SND1: variants seen among roughly 807,000 people sequenced by gnomAD.
SND1 encodes the protein staphylococcal nuclease and tudor domain containing 1, also known as staphylococcal nuclease domain-containing protein 1.
Under a neutral mutation model 121.7 loss-of-function variants are expected in SND1, and 38 were observed. The ratio of observed to expected loss-of-function variants is 0.31; its 90% CI spans 0.24 to 0.41. SND1 has a LOEUF of 0.41. SND1 is among the 10% of genes least tolerant of loss of function. SND1 has a pLI of 1.00. For missense variants in SND1, 868 were observed against 1,184.6 expected, an observed-to-expected ratio of 0.73 and a Z score of 3.92; for synonymous variants, 401 against 447.4, an observed-to-expected ratio of 0.90 and a Z score of 1.31.
chr7:127,805,140 T>C (rs1217493644), intron 10 of SND1, among the ~76,000 whole-genome samples: 4 of 152,210 alleles, frequency 2.6e-5, no homozygotes, highest in African/African-American at 9.6e-5. Context: ...ATATCCATAA[T>C]CCTGTACATC....
intron 12 of SND1, among the ~76,000 whole-genome samples, chr7:127,867,522 C>T (rs1355455483): frequency 3.3e-5 from 5 of 152,220 alleles, no homozygotes; most frequent in South Asian, 4.2e-4. Flanking sequence ...CAAATGATCG[C>T]GTCTTTTGAT....
At chr7:127,775,094 G>A (rs1204032886) in intron 10 of SND1, among the ~76,000 whole-genome samples, 1 of 152,218 alleles carries the variant, frequency 6.6e-6, no homozygotes, top group Non-Finnish European at 1.5e-5. Context: ...ACAGAGGGAA[G>A]AGAGCATGTG....
Position 128,029,259 on chromosome 7 carries a change from G to A in SND1, c.1779+38203G>A. 6.2e-7 allele frequency: 1 copy of A among 1,614,176 alleles called. No individual in the cohort carries two copies. The highest frequency in any genetic ancestry group is 1.1e-5 in the South Asian group (1 of 91,086). ...TGTGTCCTCAGGCGAGATCTCCGTG[G>A]TCTCCACTGTTACTGTGGTGAAGAA... On this transcript the variant is annotated intron_variant, in intron 16 of 23. Transcript: ENST00000354725. This position sits in a 1 kb window ranked among gnomAD's most constrained non-coding sequence, Gnocchi z 4.2.
chr7:128,083,542 A>G (rs999791223), intron 18 of SND1, among the ~76,000 whole-genome samples: 1 of 152,246 alleles, frequency 6.6e-6, no homozygotes, highest in African/African-American at 2.4e-5. Context: ...ATGCAGCTGA[A>G]TTATTAAGCA....
At chr7:127,784,877 AT>A (rs1797783809) in intron 10 of SND1, among the ~76,000 whole-genome samples, 1 of 152,206 alleles carries the variant, frequency 6.6e-6, no homozygotes, top group African/African-American at 2.4e-5. Context: ...CCCCATGATC[AT>A]GAAAGTGGGG....
At chr7:128,066,094 G>A (rs2117040062) in intron 16 of SND1, among the ~76,000 whole-genome samples, 1 of 152,332 alleles carries the variant, frequency 6.6e-6, no homozygotes, top group African/African-American at 2.4e-5. Context: ...GAGTCAGCAG[G>A]TTTGCATTTC....
chr7:127,704,525 G>A (rs2116346078), intron 7 of SND1, among the ~76,000 whole-genome samples: 1 of 152,310 alleles, frequency 6.6e-6, no homozygotes, highest in South Asian at 2.1e-4. Context: ...ATCCTCCTCT[G>A]CCCACAAGAA....
intron 1 of SND1, among the ~76,000 whole-genome samples, chr7:127,656,645 G>T (rs1281951816): frequency 1.3e-5 from 2 of 152,138 alleles, no homozygotes; most frequent in Non-Finnish European, 1.5e-5. Flanking sequence ...AAAGTTCAGT[G>T]GGGACAGAGA....
intron 14 of SND1, among the ~76,000 whole-genome samples, chr7:127,917,847 A>C (rs1381885600): frequency 6.6e-6 from 1 of 152,218 alleles, no homozygotes; most frequent in African/African-American, 2.4e-5. Flanking sequence ...CTTCAGGTCA[A>C]ACTGTTTCCA....
chr7:127,941,647 T>C (rs1237220755), intron 15 of SND1, among the ~76,000 whole-genome samples: 2 of 152,204 alleles, frequency 1.3e-5, no homozygotes, highest in African/African-American at 4.8e-5. Flanking sequence ...GCAGCCCCTG[T>C]GCTAGGCATG....
intron 10 of SND1, among the ~76,000 whole-genome samples, chr7:127,781,258 A>T (rs1797714450): frequency 6.6e-6 from 1 of 152,194 alleles, no homozygotes; most frequent in Non-Finnish European, 1.5e-5. Flanking sequence ...AAAAATGAAG[A>T]GACCAATTAG....
chr7:128,089,323 G>A (rs1404800548), intron 21 of SND1, among the ~76,000 whole-genome samples, 166 bp from the exon 22 acceptor site: 1 of 152,130 alleles, frequency 6.6e-6, no homozygotes, highest in Non-Finnish European at 1.5e-5. Flanking sequence ...CAAAGTGCTG[G>A]GATTACAGGC....
chr7:128,040,437 TAAAAAAAA>T (rs67595921), intron 16 of SND1, among the ~76,000 whole-genome samples: 6 of 32,870 alleles, frequency 1.8e-4, no homozygotes, highest in East Asian at 7.2e-4. Context: ...GTCCTATCTT[TAAAAAAAA>T]AAAAAAAAAA....
At chr7:127,891,236 G>C (rs1800004256) in intron 13 of SND1, among the ~76,000 whole-genome samples, 1 of 152,062 alleles carries the variant, frequency 6.6e-6, no homozygotes, top group South Asian at 2.1e-4. Context: ...GTTTTGTTTT[G>C]GTGGCTGTGG....
intron 16 of SND1, among the ~76,000 whole-genome samples, chr7:128,032,780 C>T (rs1387994788): frequency 6.6e-6 from 1 of 152,212 alleles, no homozygotes; most frequent in Admixed American, 6.5e-5. Flanking sequence ...CGCTGCTGCA[C>T]TGCCGCCAGC....
At chr7:128,028,837 G>T in intron 16 of SND1, 1 of 1,614,188 alleles carries the variant, frequency 6.2e-7, no homozygotes. Context: ...ATATGGTCAT[G>T]AATTGTGGGC....
intron 10 of SND1, among the ~76,000 whole-genome samples, chr7:127,779,639 A>G (rs1333526961): frequency 6.6e-6 from 1 of 152,148 alleles, no homozygotes; most frequent in African/African-American, 2.4e-5. Context: ...GGGACACTTA[A>G]TGGTTGGGGG....
chr7:127,652,544 A>G lies in SND1; in HGVS notation c.78+93A>G, dbSNP rs190870907. The G allele has an allele frequency of 1.7e-4, 184 of 1,065,434 alleles. 2 individuals carry two copies. The Admixed American group carries it at 2.2e-3, about 13-fold the overall frequency. 66.0% of individuals were successfully genotyped at this position (1,065,434 alleles called of 1,614,324 possible). On this transcript the variant is annotated intron_variant, in intron 1 of 23. Coordinates refer to ENST00000354725, the MANE Select transcript of SND1 (RefSeq NM_014390.4). ...CTTCCGCCAGCCTGCTCCATGTCCC[A>G]GATCCCCTTTCCTCTGCCCCCTTCC...
intron 12 of SND1, among the ~76,000 whole-genome samples, chr7:127,849,283 G>T (rs1355979082): frequency 6.6e-6 from 1 of 152,172 alleles, no homozygotes; most frequent in East Asian, 1.9e-4. Flanking sequence ...TCTTGCCAGA[G>T]CCTTCTTGAA....
Sources: allele counts gnomAD v4.1 joint callset (sites outside exome capture counted in the v4.1 genomes callset), GRCh38; gene constraint gnomAD v4.1.1; non-coding constraint Gnocchi (gnomAD v3.1); transcripts MANE v1.5; gene names NCBI Gene and HGNC (gene_info 2026-07-23, HGNC 2026-07-21).